SLC16A9: variants seen among roughly 807,000 people sequenced by gnomAD.
The protein encoded by SLC16A9 is solute carrier family 16 member 9, also known as monocarboxylate transporter 9.
SLC16A9 carries 26 observed loss-of-function variants against 44.3 expected under a neutral mutation model. The observed-to-expected ratio is 0.59, with a 90% CI of 0.43 to 0.81. SLC16A9 has a LOEUF of 0.81. SLC16A9 is among the 40% of genes least tolerant of loss of function. SLC16A9 has a pLI of 0.00. For synonymous variants in SLC16A9, 230 were observed against 225.1 expected, an observed-to-expected ratio of 1.02 and a Z score of -0.19; for missense variants, 559 against 595.8, an observed-to-expected ratio of 0.94 and a Z score of 0.64.
intron 1 of SLC16A9, among the ~76,000 whole-genome samples, chr10:59,700,540 G>C (rs1362086173): frequency 6.6e-6 from 1 of 152,216 alleles, no homozygotes; most frequent in African/African-American, 2.4e-5. Context: ...CATGTTTCTA[G>C]TAACCATCCA....
chr10:59,682,604 C>G (rs147488974), intron 2 of SLC16A9, among the ~76,000 whole-genome samples: 1 of 152,140 alleles, frequency 6.6e-6, no homozygotes, highest in South Asian at 2.1e-4. Context: ...TTTAATTATC[C>G]TTTGACCCTT....
chr10:59,678,540 C>CTTTTTATTTTTTTTTTTTTT (rs1426559419), intron 2 of SLC16A9, among the ~76,000 whole-genome samples: 4 of 22,342 alleles, frequency 1.8e-4, no homozygotes, highest in Non-Finnish European at 2.8e-4. Flanking sequence ...TTTTCTTTTT[C>CTTTTTATTTTTTTTTTTTTT]TTTTTCTTTT....
Position 59,652,580 on chromosome 10 carries a change from A to T in SLC16A9, c.*192T>A. On this transcript the variant is annotated 3_prime_UTR_variant, in exon 6 of 6. Coordinates refer to ENST00000395348, the MANE Select transcript of SLC16A9 (RefSeq NM_194298.3). ...GTGGGGAGGAGAAATAGAAAAAAAT[A>T]CGAGATAGAGGCTACGCATACACTA... is the stretch of plus-strand genomic sequence containing the variant. The T allele has an allele frequency of 2.1e-6, 1 of 471,306 alleles. No homozygotes were observed. Among genetic ancestry groups the T allele is most frequent in the Non-Finnish European group, 3.7e-6 (1 of 272,652 alleles). The allele number at this position is 471,306 out of a possible 1,614,324, so 29.2% of individuals were successfully genotyped here.
chr10:59,656,440 A>G (rs545559232), intron 4 of SLC16A9, among the ~76,000 whole-genome samples: 44 of 152,370 alleles, frequency 2.9e-4, no homozygotes, highest in Admixed American at 1.3e-3. Flanking sequence ...AACCAAGTTT[A>G]TCTGTCAACA....
At chr10:59,676,057 G>A (rs996630885) in intron 2 of SLC16A9, among the ~76,000 whole-genome samples, 4 of 152,202 alleles carry the variant, frequency 2.6e-5, no homozygotes, top group African/African-American at 9.6e-5. Flanking sequence ...CAAGTCTGAT[G>A]CAGACCTGTA....
At chr10:59,672,354 G>GGAATGCAAACAGCTGTTTGT (rs1246528926) in intron 3 of SLC16A9, among the ~76,000 whole-genome samples, 2 of 152,156 alleles carry the variant, frequency 1.3e-5, no homozygotes, top group East Asian at 1.9e-4. Context: ...CAGATGCTAT[G>GGAATGCAAACAGCTGTTTGT]GAATGCAAAC....
intron 2 of SLC16A9, among the ~76,000 whole-genome samples, chr10:59,678,540 C>CTTTTTTTTTTT (rs1426559419): frequency 1.2e-3 from 26 of 22,332 alleles, no homozygotes; most frequent in African/African-American, 2.3e-3. Flanking sequence ...TTTTCTTTTT[C>CTTTTTTTTTTT]TTTTTCTTTT....
intron 1 of SLC16A9, among the ~76,000 whole-genome samples, chr10:59,692,013 AC>A (rs36019479): frequency 6.6e-6 from 1 of 152,188 alleles, no homozygotes; most frequent in African/African-American, 2.4e-5. Flanking sequence ...TTCCCTAATA[AC>A]CCCCATTTGA....
chr10:59,663,835 T>G (rs1839541916), intron 4 of SLC16A9, among the ~76,000 whole-genome samples: 3 of 152,114 alleles, frequency 2.0e-5, no homozygotes, highest in Admixed American at 2.0e-4. Flanking sequence ...AAAATAGCTT[T>G]TTTAGAAATA....
At chr10:59,676,109 A>G (rs1839853090) in intron 2 of SLC16A9, among the ~76,000 whole-genome samples, 1 of 152,234 alleles carries the variant, frequency 6.6e-6, no homozygotes, top group Admixed American at 6.5e-5. Flanking sequence ...AATGTCTTAT[A>G]GATAACATAG....
intron 1 of SLC16A9, among the ~76,000 whole-genome samples, chr10:59,690,301 C>T (rs1055548261): frequency 6.6e-6 from 1 of 152,096 alleles, no homozygotes; most frequent in African/African-American, 2.4e-5. Flanking sequence ...AGGTATGGTC[C>T]CTGACCTCAG....
chr10:59,698,122 C>T (rs1840442822), intron 1 of SLC16A9, among the ~76,000 whole-genome samples: 1 of 151,960 alleles, frequency 6.6e-6, no homozygotes, highest in Non-Finnish European at 1.5e-5. Context: ...TACTGGTTAC[C>T]CCAGAATTCT....
chr10:59,653,425 CAAAAAAA>C (rs562805430), intron 5 of SLC16A9, among the ~76,000 whole-genome samples: 8 of 36,774 alleles, frequency 2.2e-4, no homozygotes, highest in South Asian at 5.0e-3. Flanking sequence ...AACTCCGTCT[CAAAAAAA>C]AAAAAAAAAA....
intron 2 of SLC16A9, among the ~76,000 whole-genome samples, chr10:59,681,238 G>C (rs1020464630): frequency 2.6e-5 from 4 of 151,864 alleles, no homozygotes; most frequent in African/African-American, 9.7e-5. Flanking sequence ...CTGATGGTCA[G>C]TGTGACTTGC....
At chr10:59,699,811 T>C (rs1840481574) in intron 1 of SLC16A9, among the ~76,000 whole-genome samples, 2 of 151,930 alleles carry the variant, frequency 1.3e-5, no homozygotes, top group Admixed American at 6.6e-5. Context: ...CAGAACATCC[T>C]CGACTCTCCT....
intron 1 of SLC16A9, among the ~76,000 whole-genome samples, chr10:59,698,787 G>C (rs984534524): frequency 2.0e-5 from 3 of 151,472 alleles, no homozygotes; most frequent in African/African-American, 7.3e-5. Context: ...ACCCAGGCTG[G>C]AGTGCAATGG....
rs150561568 is a variant in SLC16A9, at chr10:59,691,396, C to T, written c.-36-7069G>A. 2.4e-4 allele frequency among the ~76,000 whole-genome samples: 37 copies of T among 152,164 alleles called. No homozygotes were observed. In the East Asian group the frequency reaches 6.8e-3, roughly 28 times the overall value. On this transcript the variant is annotated intron_variant, in intron 1 of 5. Transcript: ENST00000395348. ...CTAATTTAGGGGCAGTTTTTTTATA[C>T]TACAGGGTTTAAAGAAGTTTCACAG...
At chr10:59,694,505 G>C (rs1220889033) in intron 1 of SLC16A9, among the ~76,000 whole-genome samples, 1 of 151,460 alleles carries the variant, frequency 6.6e-6, no homozygotes. Flanking sequence ...AATACATTAA[G>C]TATACTAAAT....
rs564712160 is a variant in SLC16A9 at position 59,651,001 on chromosome 10, T to A, written c.*1771A>T. On this transcript the variant is annotated 3_prime_UTR_variant, in exon 6 of 6. Transcript: ENST00000395348. ...CAAGTAGTTTAGTTTTTTTTTTTTT[T>A]ATGTCACTTATTTTATTTACTAACC... 16 of 151,970 alleles carry A rather than the reference T, an allele frequency of 1.1e-4. No individual in the cohort carries two copies. The highest frequency in any genetic ancestry group is 2.9e-4 in the African/African-American group (12 of 41,450). The allele number at this position is 151,970 out of a possible 1,614,324, so 9.4% of individuals were successfully genotyped here.
Sources: gnomAD v4.1 joint callset for allele counts (sites outside exome capture counted in the v4.1 genomes callset) on GRCh38, gnomAD v4.1.1 for gene constraint, MANE v1.5 for transcripts, NCBI Gene and HGNC (gene_info 2026-07-23, HGNC 2026-07-21) for gene names.